Variants in GFRA2 observed in about 807,000 individuals in gnomAD.
The protein encoded by GFRA2 is GDNF family receptor alpha 2.
A neutral mutation model predicts 48.3 loss-of-function variants in GFRA2; 17 were observed. That is an observed-to-expected ratio of 0.35 (90% CI 0.24 to 0.53). The LOEUF is 0.53. Among genes scored for constraint, GFRA2 ranks in the 20% least tolerant of loss-of-function variants. GFRA2 has a pLI of 0.93. For synonymous variants in GFRA2, 305 were observed against 257.2 expected (o/e 1.19, Z -1.78); for missense variants, 660 against 637.3 (o/e 1.04, Z -0.38).
At chr8:21,784,207 A>C (rs1807155366) in intron 1 of GFRA2, 2 of 439,288 alleles carry the variant, frequency 4.6e-6, no homozygotes, top group Admixed American at 4.8e-5. Flanking sequence ...TTCAAAGCCA[A>C]GCTCCTAAAA....
intron 3 of GFRA2, among the ~76,000 whole-genome samples, chr8:21,765,487 C>A (rs560253755): frequency 1.0e-3 from 156 of 152,112 alleles, no homozygotes; most frequent in African/African-American, 3.6e-3. Flanking sequence ...CCCTCTCTGG[C>A]CCTAGTCTCA....
chr8:21,764,735 T>C lies in GFRA2; in HGVS notation c.439+10237A>G, dbSNP rs144068865. 9.3e-3 allele frequency among the ~76,000 whole-genome samples: 1,420 copies of C among 152,234 alleles called. 14 individuals carry two copies. The highest frequency in any genetic ancestry group is 0.033 in the African/African-American group (1,360 of 41,550). On this transcript the variant is annotated intron_variant, in intron 3 of 8. Transcript: ENST00000524240. ...CTGCTTACATCCTTCAATTCCACCC[T>C]CTCTTGGGACCTTTCCCAACAGGTA...
At chr8:21,799,122 G>A (rs1486810368) in intron 2 of GFRA2, among the ~76,000 whole-genome samples, 1 of 152,076 alleles carries the variant, frequency 6.6e-6, no homozygotes, top group Non-Finnish European at 1.5e-5. Flanking sequence ...TTATCTACTT[G>A]TTTGGGAGTC....
At chr8:21,697,188 GGA>G (rs1221743909) in intron 7 of GFRA2, among the ~76,000 whole-genome samples, 1 of 64,004 alleles carries the variant, frequency 1.6e-5, no homozygotes, top group African/African-American at 5.7e-5. Context: ...CAGAGGAGAG[GGA>G]GAGGGGACAA....
intron 2 of GFRA2, among the ~76,000 whole-genome samples, chr8:21,776,577 C>A (rs1360013159): frequency 6.6e-6 from 1 of 151,252 alleles, no homozygotes; most frequent in Non-Finnish European, 1.5e-5. Context: ...TTCAAGCGAT[C>A]CTCCCACCTC....
At chr8:21,739,699 G>A (rs1804655877) in intron 4 of GFRA2, among the ~76,000 whole-genome samples, 2 of 152,128 alleles carry the variant, frequency 1.3e-5, no homozygotes, top group South Asian at 4.1e-4. Flanking sequence ...CATATCCCAA[G>A]GCTGCCACGG....
rs973401636 is a variant in GFRA2, at chr8:21,788,516, G to C, written c.-357C>G. The stretch of plus-strand genomic sequence containing the variant: ...GTCCCCGCGGGTCCAATTCCCCTGC[G>C]CTTCCCAGGAGGGGCCTGGGGAGGT... On this transcript the variant is annotated 5_prime_UTR_variant, in exon 1 of 9. Coordinates refer to ENST00000524240, the MANE Select transcript of GFRA2 (RefSeq NM_001495.5). The C allele has an allele frequency of 1.5e-5, 16 of 1,050,964 alleles. No homozygotes were observed. The East Asian group carries it at 1.2e-3, about 78-fold the overall frequency. 65.1% of individuals were successfully genotyped at this position (1,050,964 alleles called of 1,614,324 possible). A position where few individuals can be genotyped will look rare whatever the true frequency, so the allele number is the denominator to read the frequency against.
chr8:21,719,942 G>C (rs1321060764), intron 4 of GFRA2, among the ~76,000 whole-genome samples: 1 of 152,198 alleles, frequency 6.6e-6, no homozygotes, highest in East Asian at 1.9e-4. Context: ...TCTGCTCTTA[G>C]TTCTAGCAGC....
chr8:21,779,876 T>G (rs1407803745), intron 2 of GFRA2, among the ~76,000 whole-genome samples: 1 of 151,932 alleles, frequency 6.6e-6, no homozygotes, highest in Non-Finnish European at 1.5e-5. Flanking sequence ...TCCCAGCACC[T>G]GGAGGGAGCA....
At chr8:21,746,796 C>CA (rs562714111) in intron 4 of GFRA2, among the ~76,000 whole-genome samples, 7,076 of 124,418 alleles carry the variant, frequency 0.057, 375 homozygotes, top group African/African-American at 0.16. Flanking sequence ...TCCAGAAAAG[C>CA]AAAAAAAAAA....
chr8:21,712,290 CA>C (rs1563221645), intron 4 of GFRA2, among the ~76,000 whole-genome samples: 214 of 150,698 alleles, frequency 1.4e-3, no homozygotes, highest in African/African-American at 5.0e-3. Context: ...ACTTCGCAGA[CA>C]GGGCGGCCGG....
intron 4 of GFRA2, among the ~76,000 whole-genome samples, chr8:21,727,280 C>G (rs1264835293): frequency 2.0e-5 from 3 of 152,144 alleles, no homozygotes; most frequent in African/African-American, 7.2e-5. Flanking sequence ...GGGTCACAGG[C>G]TCTGTTGCCA....
In GFRA2 at chr8:21,750,752, C is replaced by T; in HGVS notation, c.630G>A (p.Arg210=). The change falls in exon 4 of 9, where the codon CGG becomes CGA. Residue 210 remains arginine (R), a synonymous_variant. Transcript: ENST00000524240. This position sits in a 1 kb window ranked among gnomAD's most constrained non-coding sequence, Gnocchi z 5.7. The part of the protein sequence containing the change: ...CHKALRQFFD[R]VPSEYTYRML... ...TGCGGTAGGTGTACTCGCTGGGCAC[C>T]CGGTCGAAGAACTGGCGCAGGGCCT... 6.2e-7 allele frequency: 1 copy of T among 1,613,938 alleles called. No homozygotes were observed. The highest frequency in any genetic ancestry group is 8.5e-7 in the Non-Finnish European group (1 of 1,179,906).
rs954101432 is a variant in GFRA2 at position 21,691,270 on chromosome 8, G to A, written c.*2008C>T. ...CACACGTGCACGTGAACATGTGCGAGCCTGCACACGACCGCACACACATGT... is the reference window on the plus strand; with the variant it reads ...CACACGTGCACGTGAACATGTGCGAACCTGCACACGACCGCACACACATGT... On this transcript the variant is annotated 3_prime_UTR_variant, in exon 9 of 9. Coordinates refer to ENST00000524240, the MANE Select transcript of GFRA2 (RefSeq NM_001495.5). The A allele has an allele frequency of 6.6e-6, 1 of 152,212 alleles. No homozygotes were observed. Among genetic ancestry groups the A allele is most frequent in the African/African-American group, 2.4e-5 (1 of 41,426 alleles). 9.4% of individuals were successfully genotyped at this position (152,212 alleles called of 1,614,324 possible).
rs1805237036 is a variant in GFRA2, at chr8:21,750,542, G to A, written c.794+46C>T. 3 of 1,108,400 alleles carry A rather than the reference G, an allele frequency of 2.7e-6. No homozygotes were observed. The highest frequency in any genetic ancestry group is 4.0e-6 in the Non-Finnish European group (3 of 755,032). 68.7% of individuals were successfully genotyped at this position (1,108,400 alleles called of 1,614,324 possible). A position where few individuals can be genotyped will look rare whatever the true frequency, so the allele number is the denominator to read the frequency against. The stretch of plus-strand genomic sequence containing the variant: ...AGAAAGGAAAACACAGCCTGGCAAT[G>A]CAAGCGCCCTCCTGCCAGCACCACC... On this transcript the variant is annotated intron_variant, in intron 4 of 8. Transcript: ENST00000524240. The surrounding 1 kb of genome is among the most constrained non-coding windows in gnomAD (Gnocchi z 5.7).
Position 21,782,857 on chromosome 8 carries a change from C to G in GFRA2, c.83G>C (p.Gly28Ala). The G allele has an allele frequency of 6.4e-7, 1 of 1,568,430 alleles. No homozygotes were observed. The highest frequency in any genetic ancestry group is 8.6e-7 in the Non-Finnish European group (1 of 1,164,214). The change falls in exon 2 of 9, where the codon GGC becomes GCC. Residue 28 changes from glycine (G) to alanine (A), a missense_variant. Transcript: ENST00000524240. ...RSLASPSSLQGPELHGWRPPV... is the reference protein window; with the variant it reads ...RSLASPSSLQAPELHGWRPPV... ...GGGGCGCCAGCCGTGGAGCTCGGGG[C>G]CCTGCAGGGAGGAAGGGCTGGCCAA...
intron 8 of GFRA2, 151 bp downstream of exon 8, chr8:21,694,313 A>G (rs1329924557): frequency 2.9e-6 from 2 of 684,106 alleles, no homozygotes; most frequent in African/African-American, 1.8e-5. Context: ...ACCCCACCCC[A>G]GCAGAGTAAG....
Position 21,750,671 on chromosome 8 carries a change from G to T in GFRA2, c.711C>A (p.Ile237=). The change falls in exon 4 of 9, where the codon ATC becomes ATA. Residue 237 remains isoleucine (I), a synonymous_variant. Transcript: ENST00000524240. The surrounding 1 kb of genome is among the most constrained non-coding windows in gnomAD (Gnocchi z 5.7). ...QACAERRRQT[I]LPSCSYEDKE... ...TGTCCTCATAGGAGCAGCTGGGCAG[G>T]ATGGTTTGCCGGCGGCGCTCAGCGC... 2.4e-5 allele frequency: 39 copies of T among 1,613,896 alleles called. No individual in the cohort carries two copies. The highest frequency in any genetic ancestry group is 3.3e-5 in the Non-Finnish European group (39 of 1,179,810).
chr8:21,724,438 G>T (rs910846425), intron 4 of GFRA2, among the ~76,000 whole-genome samples: 1 of 152,172 alleles, frequency 6.6e-6, no homozygotes, highest in Non-Finnish European at 1.5e-5. Context: ...AGTGAGGAAA[G>T]TCGACCAGTG....
Sources: allele counts gnomAD v4.1 joint callset (sites outside exome capture counted in the v4.1 genomes callset), GRCh38; gene constraint gnomAD v4.1.1; non-coding constraint Gnocchi (gnomAD v3.1); transcripts MANE v1.5; gene names NCBI Gene and HGNC (gene_info 2026-07-23, HGNC 2026-07-21).